KCTD1: variants seen among roughly 807,000 people sequenced by gnomAD.
The protein encoded by KCTD1 is potassium channel tetramerization domain containing 1.
Under a neutral mutation model 66.0 loss-of-function variants are expected in KCTD1, and 24 were observed. That is an observed-to-expected ratio of 0.36 (90% CI 0.26 to 0.51). The LOEUF (loss-of-function observed/expected upper bound fraction) is 0.51. Among genes scored for constraint, KCTD1 ranks in the 20% least tolerant of loss-of-function variants. KCTD1 has a pLI of 0.95. For synonymous variants in KCTD1, 511 were observed against 517.2 expected, an observed-to-expected ratio of 0.99 and a Z score of 0.16; for missense variants, 943 against 1,205.2, an observed-to-expected ratio of 0.78 and a Z score of 3.22.
chr18:26,621,549 C>T (rs1172709402), intron 1 of KCTD1, among the ~76,000 whole-genome samples: 1 of 151,988 alleles, frequency 6.6e-6, no homozygotes, highest in East Asian at 1.9e-4. Context: ...GAGGGGAAGG[C>T]AGAGGAAAGA....
chr18:26,546,920 A>G lies in KCTD1; in HGVS notation c.1617T>C (p.Ser539=), dbSNP rs1985254393. The G allele has an allele frequency of 3.4e-6, 5 of 1,475,512 alleles. No homozygotes were observed. In the African/African-American group the frequency reaches 4.2e-5, roughly 13 times the overall value. 91.4% of individuals were successfully genotyped at this position (1,475,512 alleles called of 1,614,324 possible). ...CGCAGATTTCCCCCGACCCGAACAC[A>G]GACTCGTACAGGGCGCGCTTGGGCG... ...EAAPKRALYE[S]VFGSGEICGP... is the part of the protein sequence containing the mutation. The change falls in exon 1 of 5, where the codon TCT becomes TCC. Residue 539 remains serine, a synonymous_variant. Transcript: ENST00000580059.
At chr18:26,512,588 G>C (rs1222214223) in intron 1 of KCTD1, among the ~76,000 whole-genome samples, 1 of 152,102 alleles carries the variant, frequency 6.6e-6, no homozygotes, top group Non-Finnish European at 1.5e-5. Flanking sequence ...TGCCAGGCTA[G>C]GGCACTATGG....
intron 1 of KCTD1, among the ~76,000 whole-genome samples, chr18:26,511,611 T>C (rs976471833): frequency 2.0e-5 from 3 of 152,160 alleles, no homozygotes; most frequent in Non-Finnish European, 4.4e-5. Context: ...TTAGGTATTA[T>C]CACCATTTCA....
intron 1 of KCTD1, among the ~76,000 whole-genome samples, chr18:26,540,027 A>T (rs988843968): frequency 6.6e-6 from 1 of 152,218 alleles, no homozygotes. Flanking sequence ...CCTGGCACAC[A>T]GTGAAAGGGC....
chr18:26,568,541 C>A (rs1021167601), intron 1 of KCTD1, among the ~76,000 whole-genome samples: 18 of 151,986 alleles, frequency 1.2e-4, no homozygotes, highest in African/African-American at 4.4e-4. Context: ...CCAGCCTCAG[C>A]TCATACTTTT....
intron 2 of KCTD1, among the ~76,000 whole-genome samples, chr18:26,481,364 C>T (rs1278490781): frequency 6.6e-6 from 1 of 152,072 alleles, no homozygotes; most frequent in Non-Finnish European, 1.5e-5. Flanking sequence ...TGGCCAGGTA[C>T]AGGGGCAGGA....
At chr18:26,472,833 CTCTG>C (rs1981141911) in intron 3 of KCTD1, among the ~76,000 whole-genome samples, 1 of 152,236 alleles carries the variant, frequency 6.6e-6, no homozygotes, top group South Asian at 2.1e-4. Flanking sequence ...CCCTAGGTCT[CTCTG>C]TTTCACCTGC....
chr18:26,549,886 C>T (rs1985482790), upstream of KCTD1: 1 of 849,136 alleles, frequency 1.2e-6, no homozygotes, highest in Admixed American at 6.2e-5. Flanking sequence ...ACGCCCGCCC[C>T]CGGCGCGCCC....
intron 1 of KCTD1, among the ~76,000 whole-genome samples, chr18:26,651,692 G>A (rs546254719): frequency 2.0e-5 from 3 of 150,862 alleles, no homozygotes; most frequent in Non-Finnish European, 4.4e-5. Flanking sequence ...GCTGAGACAG[G>A]AGAATCGCTT....
chr18:26,648,091 C>G (rs902205046), intron 1 of KCTD1, among the ~76,000 whole-genome samples: 5 of 152,184 alleles, frequency 3.3e-5, no homozygotes, highest in Middle Eastern at 3.4e-3. Flanking sequence ...AGGGATCCAC[C>G]CACCTCGGCC....
upstream of KCTD1, among the ~76,000 whole-genome samples, chr18:26,629,677 C>T (rs1012979587): frequency 6.6e-6 from 1 of 151,476 alleles, no homozygotes; most frequent in Non-Finnish European, 1.5e-5. Context: ...TCCAAGGGAC[C>T]AGCATGTGCA....
chr18:26,564,046 T>C (rs539832807), intron 1 of KCTD1, among the ~76,000 whole-genome samples: 1 of 151,468 alleles, frequency 6.6e-6, no homozygotes, highest in East Asian at 2.0e-4. Context: ...TCGCATTGCC[T>C]AGCATAGCTA....
upstream of KCTD1, among the ~76,000 whole-genome samples, chr18:26,642,575 C>G (rs1987852848): frequency 6.6e-6 from 1 of 152,120 alleles, no homozygotes; most frequent in Non-Finnish European, 1.5e-5. Context: ...AACTAGAGCA[C>G]TAACTAATCT....
At chr18:26,505,319 A>G (rs1982977745) in intron 1 of KCTD1, among the ~76,000 whole-genome samples, 1 of 152,216 alleles carries the variant, frequency 6.6e-6, no homozygotes, top group Non-Finnish European at 1.5e-5. Context: ...GAAAACCATA[A>G]CCTTTAACCA....
intron 1 of KCTD1, among the ~76,000 whole-genome samples, chr18:26,584,104 T>C (rs765828682): frequency 1.5e-4 from 23 of 152,184 alleles, no homozygotes; most frequent in Non-Finnish European, 2.9e-4. Flanking sequence ...ATTTCTTATA[T>C]GAAAGACCAG....
intron 1 of KCTD1, among the ~76,000 whole-genome samples, chr18:26,598,471 T>TACACAC (rs4041522): frequency 0.033 from 4,889 of 149,596 alleles, 104 homozygotes; most frequent in Non-Finnish European, 0.041. Flanking sequence ...TCTCTTTTTT[T>TACACAC]ACACACACAC....
chr18:26,485,931 A>G (rs1981893067), intron 2 of KCTD1, among the ~76,000 whole-genome samples: 1 of 151,772 alleles, frequency 6.6e-6, no homozygotes, highest in Non-Finnish European at 1.5e-5. Context: ...TATCTAATTT[A>G]ATCCTTTTTT....
chr18:26,573,618 A>G (rs567465573), intron 1 of KCTD1, among the ~76,000 whole-genome samples: 7 of 152,340 alleles, frequency 4.6e-5, no homozygotes, highest in African/African-American at 1.2e-4. Flanking sequence ...GCAGTCGGCT[A>G]TAAGTGCCTT....
At chr18:26,657,159 G>GCAGCCCCGGAGGAGGCGGCGGCCC (rs1988173395) in intron 1 of KCTD1, among the ~76,000 whole-genome samples, 2 of 151,858 alleles carry the variant, frequency 1.3e-5, no homozygotes, top group Non-Finnish European at 2.9e-5. Context: ...ACCGGGAGCG[G>GCAGCCCCGGAGGAGGCGGCGGCCC]CAGCCCCGGA....
Sources: gnomAD v4.1 joint callset for allele counts (sites outside exome capture counted in the v4.1 genomes callset) on GRCh38, gnomAD v4.1.1 for gene constraint, MANE v1.5 for transcripts, NCBI Gene and HGNC (gene_info 2026-07-23, HGNC 2026-07-21) for gene names.